The following RYR3 variants were observed in gnomAD, a reference collection of about 807,000 sequenced individuals.
RYR3 encodes the protein ryanodine receptor 3, also known as brain ryanodine receptor-calcium release channel.
In RYR3, 207 loss-of-function variants were observed where a neutral mutation model predicts 584.3. The ratio of observed to expected loss-of-function variants is 0.35; its 90% CI spans 0.32 to 0.40. RYR3 has a LOEUF of 0.40. Ranked by LOEUF, RYR3 falls within the 10% of genes least tolerant of loss-of-function variation. The pLI, the probability that RYR3 is intolerant of heterozygous loss-of-function variation, is 1.00. For synonymous variants in RYR3, 2,416 were observed against 2,248.5 expected, an observed-to-expected ratio of 1.07 and a Z score of -2.11; for missense variants, 5,616 against 6,089.2, an observed-to-expected ratio of 0.92 and a Z score of 2.59.
At chr15:33,658,326 C>G (rs2062944125) in intron 32 of RYR3, among the ~76,000 whole-genome samples, 1 of 152,258 alleles carries the variant, frequency 6.6e-6, no homozygotes, top group Non-Finnish European at 1.5e-5. Context: ...CTTCCGCCCC[C>G]AAGAATTCCT....
At chr15:33,641,954 C>T (rs2061851795) in intron 27 of RYR3, among the ~76,000 whole-genome samples, 1 of 152,178 alleles carries the variant, frequency 6.6e-6, no homozygotes, top group South Asian at 2.1e-4. Context: ...CACACACTGA[C>T]TGGCAGCTGG....
chr15:33,631,173 C>A (rs779316101), intron 22 of RYR3, 37 bp from the exon 23 acceptor site: 36 of 1,263,894 alleles, frequency 2.8e-5, no homozygotes, highest in South Asian at 2.6e-4. Flanking sequence ...CCTAACACTG[C>A]AGTTAACCTT....
chr15:33,841,206 G>T (rs908525229), intron 90 of RYR3, among the ~76,000 whole-genome samples: 1 of 152,078 alleles, frequency 6.6e-6, no homozygotes, highest in African/African-American at 2.4e-5. Flanking sequence ...AGCAGAGCAA[G>T]ACCCTGTCTC....
At chr15:33,761,805 C>T (rs553160759) in intron 60 of RYR3, among the ~76,000 whole-genome samples, 1 of 151,778 alleles carries the variant, frequency 6.6e-6, no homozygotes, top group South Asian at 2.1e-4. Context: ...CATACACACA[C>T]AAAAGAAAAT....
At chr15:33,353,351 T>C (rs549079420) in intron 1 of RYR3, among the ~76,000 whole-genome samples, 2 of 152,336 alleles carry the variant, frequency 1.3e-5, no homozygotes, top group African/African-American at 4.8e-5. Flanking sequence ...GGGATTTTAG[T>C]TGGGCAGGAG....
chr15:33,609,593 C>T (rs924690000), intron 18 of RYR3, among the ~76,000 whole-genome samples: 5 of 152,152 alleles, frequency 3.3e-5, no homozygotes, highest in African/African-American at 9.7e-5. Context: ...GCAGAGGTTG[C>T]AGTGAGCCGA....
At chr15:33,592,638 A>G (rs2059186882) in intron 16 of RYR3, among the ~76,000 whole-genome samples, 1 of 152,170 alleles carries the variant, frequency 6.6e-6, no homozygotes, top group Admixed American at 6.5e-5. Context: ...GAGTCTGGTG[A>G]ATACTCAGCA....
At chr15:33,613,598 GA>G (rs1403968871) in intron 19 of RYR3, among the ~76,000 whole-genome samples, 37 of 152,318 alleles carry the variant, frequency 2.4e-4, no homozygotes, top group Admixed American at 4.6e-4. Flanking sequence ...TAAACAGTAA[GA>G]TTAATAGGAT....
chr15:33,829,447 T>C (rs1439433507), intron 85 of RYR3, among the ~76,000 whole-genome samples: 1 of 152,138 alleles, frequency 6.6e-6, no homozygotes, highest in Non-Finnish European at 1.5e-5. Context: ...ACATTGTAGA[T>C]GTCATTAAAA....
At position 33,561,156 on chromosome 15, in the gene RYR3, A is replaced by G. The variant is rs575375068; in HGVS notation, c.973-1681A>G. ...CTATTAAGTAATTGATAGGTGTTGA[A>G]CTTTCTGTTATAAATCCAAAGTTAA... On this transcript the variant is annotated intron_variant, in intron 10 of 103. Coordinates refer to ENST00000634891, the MANE Select transcript of RYR3 (RefSeq NM_001036.6). Among the ~76,000 whole-genome samples the G allele has an allele frequency of 2.4e-4, 36 of 152,394 alleles. 1 individual carries two copies. The highest frequency in any genetic ancestry group is 7.9e-4 in the African/African-American group (33 of 41,598).
intron 1 of RYR3, among the ~76,000 whole-genome samples, chr15:33,436,576 C>T (rs2045746987): frequency 6.6e-6 from 1 of 151,066 alleles, no homozygotes. Context: ...TCTTGGCTCA[C>T]TGCAACCTCC....
chr15:33,581,561 C>T lies in RYR3; in HGVS notation c.1491C>T (p.Ser497=), dbSNP rs746285785. Residue 497 remains serine, a synonymous_variant, in exon 14 of 104, where the codon AGC becomes AGT. Coordinates refer to ENST00000634891, the MANE Select transcript of RYR3 (RefSeq NM_001036.6). ...NCIDRLNVYN[S]VAHFAGIARE... is the part of the protein sequence containing the mutation. ...TTGACCGCTTAAATGTCTACAATAGCGTAGCACACTTTGCAGGGATTGCAA... is the reference window on the plus strand; with the variant it reads ...TTGACCGCTTAAATGTCTACAATAGTGTAGCACACTTTGCAGGGATTGCAA... The T allele has an allele frequency of 4.9e-5, 79 of 1,612,918 alleles. No individual in the cohort carries two copies. The highest frequency in any genetic ancestry group is 5.9e-5 in the Non-Finnish European group (70 of 1,179,064).
rs752805493 is a variant in RYR3 at position 33,623,796 on chromosome 15, TC to T, written c.2358-10del. 1 of 1,590,230 alleles carries T rather than the reference TC, an allele frequency of 6.3e-7. No individual in the cohort carries two copies. The highest frequency in any genetic ancestry group is 1.1e-5 in the South Asian group (1 of 90,472). On this transcript the variant is annotated splice_polypyrimidine_tract_variant and intron_variant, in intron 19 of 103. Transcript: ENST00000634891. ...TTTAACCTCTGTATTTCTGCTATCT[TC>T]AAATGACAGAGTACGTTTCCTGATG...
At chr15:33,770,682 C>G (rs373766364) in intron 62 of RYR3, among the ~76,000 whole-genome samples, 4 of 152,114 alleles carry the variant, frequency 2.6e-5, no homozygotes, top group South Asian at 4.2e-4. Flanking sequence ...ATGGGAGGCT[C>G]TCATGAGAGG....
intron 1 of RYR3, among the ~76,000 whole-genome samples, chr15:33,339,513 G>C (rs983792043): frequency 6.6e-6 from 1 of 152,202 alleles, no homozygotes; most frequent in Non-Finnish European, 1.5e-5. Flanking sequence ...CTGCCTAGTG[G>C]ATATGGAAGA....
rs186478135 is a variant in RYR3 at position 33,381,303 on chromosome 15, G to A, written c.51+70207G>A. ...TCCAGAGCAGTGAGGTGATTTGCTCGAGGTGACACCAGGAATTAGCAGCCG... is the reference window on the plus strand; with the variant it reads ...TCCAGAGCAGTGAGGTGATTTGCTCAAGGTGACACCAGGAATTAGCAGCCG... On this transcript the variant is annotated intron_variant, in intron 1 of 103. Coordinates refer to ENST00000634891, the MANE Select transcript of RYR3 (RefSeq NM_001036.6). 2.5e-3 allele frequency among the ~76,000 whole-genome samples: 377 copies of A among 152,242 alleles called. 3 individuals carry two copies. The highest frequency in any genetic ancestry group is 8.5e-3 in the African/African-American group (354 of 41,566).
At chr15:33,750,709 T>C (rs1324149348) in intron 57 of RYR3, among the ~76,000 whole-genome samples, 1 of 152,052 alleles carries the variant, frequency 6.6e-6, no homozygotes, top group African/African-American at 2.4e-5. Flanking sequence ...GATAACAGGG[T>C]AAATGCAGTA....
At chr15:33,774,168 C>G (rs946329868) in intron 64 of RYR3, among the ~76,000 whole-genome samples, 3 of 152,180 alleles carry the variant, frequency 2.0e-5, no homozygotes, top group African/African-American at 7.2e-5. Context: ...AGTTTTGCCT[C>G]TCTAATCTGC....
intron 21 of RYR3, among the ~76,000 whole-genome samples, chr15:33,628,976 T>G (rs565283743): frequency 6.6e-6 from 1 of 152,192 alleles, no homozygotes; most frequent in Admixed American, 6.5e-5. Context: ...TCAGAGAGAA[T>G]GTAAATTGAC....
Sources: allele counts gnomAD v4.1 joint callset (sites outside exome capture counted in the v4.1 genomes callset), GRCh38; gene constraint gnomAD v4.1.1; transcripts MANE v1.5; gene names NCBI Gene and HGNC (gene_info 2026-07-23, HGNC 2026-07-21).